Variants in PRKN observed in about 807,000 individuals in gnomAD.
PRKN encodes parkin RBR E3 ubiquitin protein ligase.
Under a neutral mutation model 59.5 loss-of-function variants are expected in PRKN, and 56 were observed. The observed-to-expected ratio is 0.94, with a 90% CI of 0.76 to 1.18. The LOEUF is 1.18. Among genes scored for constraint, PRKN ranks in the 50% most tolerant of loss-of-function variants. PRKN has a pLI of 0.00. For synonymous variants in PRKN, 250 were observed against 222.1 expected (o/e 1.13, Z -1.12); for missense variants, 657 against 596.4 (o/e 1.10, Z -1.06).
rs1789556283 is a variant in PRKN at position 161,447,684 on chromosome 6, A to G, written c.1084-60807T>C. Among the ~76,000 whole-genome samples the G allele has an allele frequency of 6.6e-6, 1 of 152,122 alleles. No individual in the cohort carries two copies. The highest frequency in any genetic ancestry group is 2.4e-5 in the African/African-American group (1 of 41,426). The stretch of plus-strand genomic sequence containing the variant: ...AATTTTTTGTATTTTTAGTAGACAC[A>G]GCGTTTCACCGTGTAAGCTAGGATG... On this transcript the variant is annotated intron_variant, in intron 9 of 11. Coordinates refer to ENST00000366898, the MANE Select transcript of PRKN (RefSeq NM_004562.3). This position sits in a 1 kb window ranked among gnomAD's most constrained non-coding sequence, Gnocchi z 4.1.
intron 6 of PRKN, among the ~76,000 whole-genome samples, chr6:161,840,017 C>T (rs1232768744): frequency 5.3e-5 from 8 of 152,266 alleles, no homozygotes; most frequent in Non-Finnish European, 1.2e-4. Context: ...CTCGCCCCTC[C>T]TCTGCTGGGC....
chr6:161,565,966 G>A (rs1583235200), intron 8 of PRKN, among the ~76,000 whole-genome samples: 1 of 152,100 alleles, frequency 6.6e-6, no homozygotes, highest in East Asian at 1.9e-4. Flanking sequence ...CTACATCCAA[G>A]GACACTGCTC....
At chr6:161,777,342 T>C (rs1388023746) in intron 7 of PRKN, among the ~76,000 whole-genome samples, 1 of 152,168 alleles carries the variant, frequency 6.6e-6, no homozygotes, top group Non-Finnish European at 1.5e-5. Context: ...GCAGGGTTTC[T>C]ACCTGGATGG....
chr6:162,154,503 A>G (rs7747183), intron 4 of PRKN, among the ~76,000 whole-genome samples: 2,871 of 144,768 alleles, frequency 0.02, 89 homozygotes, highest in African/African-American at 0.068. Flanking sequence ...CCTACACTCT[A>G]GTGACACTAG....
At chr6:162,648,673 C>A (rs9458631) in intron 1 of PRKN, among the ~76,000 whole-genome samples, 29,412 of 152,006 alleles carry the variant, frequency 0.19, 3,454 homozygotes, top group East Asian at 0.46. Context: ...TGAGCCACGA[C>A]AGCCGGCCAG....
rs184634794 is a variant in PRKN, at chr6:161,430,683, C to T, written c.1084-43806G>A. 3.3e-3 allele frequency among the ~76,000 whole-genome samples: 505 copies of T among 151,368 alleles called. 5 individuals are homozygous for T. The highest frequency in any genetic ancestry group is 0.012 in the African/African-American group (480 of 41,282). On this transcript the variant is annotated intron_variant, in intron 9 of 11. Transcript: ENST00000366898. ...ACAAAAAATTAGCCCGGCATAGTGG[C>T]GGGCGCCTGTAGTCCCAGCTACTCG...
chr6:162,623,394 A>G (rs1322822172), intron 1 of PRKN, among the ~76,000 whole-genome samples: 1 of 152,210 alleles, frequency 6.6e-6, no homozygotes, highest in African/African-American at 2.4e-5. Flanking sequence ...ACATTGCTAC[A>G]TTAAACGCTC....
intron 7 of PRKN, among the ~76,000 whole-genome samples, chr6:161,591,537 T>G (rs1328259589): frequency 6.6e-6 from 1 of 152,230 alleles, no homozygotes; most frequent in Non-Finnish European, 1.5e-5. Context: ...AGCTTTGCCT[T>G]GTTTTTTGTT....
rs1446307577 is a variant in PRKN, at chr6:161,592,591, C to T, written c.872-23175G>A. 6.6e-6 allele frequency among the ~76,000 whole-genome samples: 1 copy of T among 152,070 alleles called. No individual in the cohort carries two copies. The highest frequency in any genetic ancestry group is 1.9e-4 in the East Asian group (1 of 5,176). On this transcript the variant is annotated intron_variant, in intron 7 of 11. Transcript: ENST00000366898. The surrounding 1 kb of genome is among the most constrained non-coding windows in gnomAD (Gnocchi z 4.8). ...CTATGCTCAGGGGATTTACACTCCA[C>T]TAGATGATACTTAAGTACACAAACT...
intron 2 of PRKN, among the ~76,000 whole-genome samples, chr6:162,322,799 T>C (rs1055750182): frequency 1.3e-5 from 2 of 151,918 alleles, no homozygotes; most frequent in African/African-American, 4.8e-5. Context: ...TGATTCACAA[T>C]AGCAAAGACT....
At chr6:162,708,566 C>G (rs1475256642) in intron 1 of PRKN, among the ~76,000 whole-genome samples, 1 of 152,212 alleles carries the variant, frequency 6.6e-6, no homozygotes, top group Non-Finnish European at 1.5e-5. Context: ...TTAAATGAAA[C>G]ATGAAATTGA....
At chr6:162,073,956 G>A (rs1197546723) in intron 4 of PRKN, among the ~76,000 whole-genome samples, 1 of 151,944 alleles carries the variant, frequency 6.6e-6, no homozygotes, top group Non-Finnish European at 1.5e-5. Context: ...AGTTAGAATG[G>A]CAATCATTAA....
intron 4 of PRKN, among the ~76,000 whole-genome samples, chr6:162,111,325 T>C (rs1265117187): frequency 6.6e-6 from 1 of 151,824 alleles, no homozygotes; most frequent in East Asian, 1.9e-4. Flanking sequence ...ATTACCCGAG[T>C]GTTGTGGCAT....
chr6:161,738,912 AG>A (rs1487411795), intron 7 of PRKN, among the ~76,000 whole-genome samples: 1 of 152,222 alleles, frequency 6.6e-6, no homozygotes, highest in African/African-American at 2.4e-5. Flanking sequence ...ACTAAGTGTT[AG>A]AGAACTGACA....
At chr6:161,897,703 C>T (rs1022967500) in intron 6 of PRKN, among the ~76,000 whole-genome samples, 14 of 150,196 alleles carry the variant, frequency 9.3e-5, no homozygotes, top group South Asian at 2.1e-4. Context: ...CAGTTGCGGC[C>T]GGGCGCGGTG....
In PRKN at chr6:161,550,599, A is replaced by C. The variant is rs117279411; in HGVS notation, c.934-1596T>G. 0.014 allele frequency among the ~76,000 whole-genome samples: 2,075 copies of C among 152,270 alleles called. 28 individuals are homozygous for C. The highest frequency in any genetic ancestry group is 0.023 in the Non-Finnish European group (1,531 of 68,022). ...TAAAGGGAGAAGTTGCAGAATTTTC[A>C]GTCAGGTTGGATGCCTGGTGTGAGA... On this transcript the variant is annotated intron_variant, in intron 8 of 11. Coordinates refer to ENST00000366898, the MANE Select transcript of PRKN (RefSeq NM_004562.3). This position sits in a 1 kb window ranked among gnomAD's most constrained non-coding sequence, Gnocchi z 4.0.
chr6:162,459,462 C>T (rs2056907), intron 1 of PRKN, among the ~76,000 whole-genome samples: 100,529 of 152,028 alleles, frequency 0.66, 35,203 homozygotes, highest in African/African-American at 0.91. Flanking sequence ...CTTTGGCCCA[C>T]AGATCAAAAT....
chr6:162,170,745 A>G (rs1289074212), intron 4 of PRKN, among the ~76,000 whole-genome samples: 2 of 152,188 alleles, frequency 1.3e-5, no homozygotes, highest in African/African-American at 4.8e-5. Context: ...TTCTGTGCTT[A>G]TCACATGCCT....
intron 1 of PRKN, among the ~76,000 whole-genome samples, chr6:162,559,028 G>C (rs137936561): frequency 1.6e-3 from 236 of 152,064 alleles, no homozygotes; most frequent in Non-Finnish European, 2.8e-3. Flanking sequence ...CCAGGTGCCT[G>C]TAGTCCCAGC....
Sources: allele counts gnomAD v4.1 joint callset (sites outside exome capture counted in the v4.1 genomes callset), GRCh38; gene constraint gnomAD v4.1.1; non-coding constraint Gnocchi (gnomAD v3.1); transcripts MANE v1.5; gene names NCBI Gene and HGNC (gene_info 2026-07-23, HGNC 2026-07-21).